ERC2: variants seen among roughly 807,000 people sequenced by gnomAD.
The protein encoded by ERC2 is ERC protein 2.
ERC2 carries 42 observed loss-of-function variants against 114.8 expected under a neutral mutation model. That is an observed-to-expected ratio of 0.37 (90% confidence interval 0.29 to 0.47). ERC2 has a LOEUF of 0.47. Among genes scored for constraint, ERC2 ranks in the 20% least tolerant of loss-of-function variants. The pLI, the probability that ERC2 is intolerant of heterozygous loss-of-function variation, is 0.99. For missense variants in ERC2, 939 were observed against 1,150.7 expected, an observed-to-expected ratio of 0.82 and a Z score of 2.66; for synonymous variants, 454 against 425.5, an observed-to-expected ratio of 1.07 and a Z score of -0.82.
chr3:56,446,619 T>TTTTTC (rs2062578656), intron 1 of ERC2, among the ~76,000 whole-genome samples: 1 of 116,346 alleles, frequency 8.6e-6, no homozygotes, highest in African/African-American at 3.6e-5. Context: ...TTCTTTTTTT[T>TTTTTC]TTTTTCTTTC....
intron 3 of ERC2, among the ~76,000 whole-genome samples, chr3:56,259,647 T>TATGATA (rs1553899549): frequency 4.2e-5 from 6 of 143,990 alleles, no homozygotes; most frequent in African/African-American, 1.6e-4. Context: ...TGGTACAGAT[T>TATGATA]TGATATGATA....
chr3:56,028,762 G>T (rs891550338), intron 7 of ERC2, among the ~76,000 whole-genome samples: 2 of 151,922 alleles, frequency 1.3e-5, no homozygotes, highest in African/African-American at 2.4e-5. Flanking sequence ...TTTCTATGTG[G>T]ACAACAATGT....
intron 11 of ERC2, among the ~76,000 whole-genome samples, chr3:55,989,723 T>A (rs181722041): frequency 6.6e-6 from 1 of 152,280 alleles, no homozygotes. Flanking sequence ...ATCTGTAAAA[T>A]GAGAATAATG....
At position 55,690,818 on chromosome 3, in the gene ERC2, T is replaced by C. The variant is rs546760390; in HGVS notation, c.2848-6959A>G. 3.9e-5 allele frequency among the ~76,000 whole-genome samples: 6 copies of C among 152,348 alleles called. No individual in the cohort carries two copies. The South Asian group carries it at 1.2e-3, about 32-fold the overall frequency. On this transcript the variant is annotated intron_variant, in intron 16 of 17. Transcript: ENST00000288221. Reference sequence around the variant, plus strand: ...GCAGGGCTTATTAATCATGCCCTCATGTGCTCACATGCAGGGAATTAGCAT... The same window carrying C: ...GCAGGGCTTATTAATCATGCCCTCACGTGCTCACATGCAGGGAATTAGCAT...
In ERC2 at chr3:56,287,064, A is replaced by G. The variant is rs755611845; in HGVS notation, c.1074+8955T>C. ...AAACACTTAAGAGACCCCTCAACCT[A>G]CATGCCTAACTGGAAACCCAAATAA... On this transcript the variant is annotated intron_variant, in intron 3 of 17. Coordinates refer to ENST00000288221, the MANE Select transcript of ERC2 (RefSeq NM_015576.3). Among the ~76,000 whole-genome samples the G allele has an allele frequency of 1.6e-3, 249 of 152,178 alleles. 5 individuals carry two copies. Among genetic ancestry groups the G allele is most frequent in the Admixed American group, 5.2e-4 (8 of 15,270 alleles).
intron 15 of ERC2, among the ~76,000 whole-genome samples, chr3:55,729,516 T>C (rs977423605): frequency 6.6e-6 from 1 of 152,090 alleles, no homozygotes; most frequent in Non-Finnish European, 1.5e-5. Flanking sequence ...ATTATGTCCG[T>C]TGTTTATTGC....
At chr3:56,316,617 C>T (rs1191183601) in intron 2 of ERC2, among the ~76,000 whole-genome samples, 1 of 151,550 alleles carries the variant, frequency 6.6e-6, no homozygotes, top group Non-Finnish European at 1.5e-5. Context: ...CAAACAGATA[C>T]ACACACACAC....
At chr3:56,188,766 G>T (rs1046502290) in intron 3 of ERC2, among the ~76,000 whole-genome samples, 5 of 152,122 alleles carry the variant, frequency 3.3e-5, no homozygotes, top group African/African-American at 1.2e-4. Context: ...TCCTTGATGG[G>T]GGTCACTGGG....
chr3:55,528,391 T>C (rs754253719), intron 17 of ERC2, among the ~76,000 whole-genome samples: 3 of 152,212 alleles, frequency 2.0e-5, no homozygotes, highest in East Asian at 1.9e-4. Context: ...TGGCAAAGGA[T>C]GAAAACAAGT....
intron 2 of ERC2, among the ~76,000 whole-genome samples, chr3:56,396,409 T>C (rs1325229745): frequency 6.6e-6 from 1 of 152,102 alleles, no homozygotes; most frequent in Non-Finnish European, 1.5e-5. Context: ...GCCCAGGAGT[T>C]CAAGTTCAGC....
At chr3:56,373,905 A>G (rs1042162762) in intron 2 of ERC2, among the ~76,000 whole-genome samples, 1 of 152,168 alleles carries the variant, frequency 6.6e-6, no homozygotes, top group South Asian at 2.1e-4. Context: ...CCATTTAAAA[A>G]AGTCAAATTC....
At chr3:56,213,555 G>C (rs879709672) in intron 3 of ERC2, among the ~76,000 whole-genome samples, 1 of 152,180 alleles carries the variant, frequency 6.6e-6, no homozygotes, top group African/African-American at 2.4e-5. Context: ...AGCTCAAGGA[G>C]GCCTGCCTGC....
chr3:56,215,002 T>C (rs1012982757), intron 3 of ERC2, among the ~76,000 whole-genome samples: 1 of 151,930 alleles, frequency 6.6e-6, no homozygotes, highest in Non-Finnish European at 1.5e-5. Context: ...GCACTAAACA[T>C]GGAAAGGAAC....
intron 14 of ERC2, among the ~76,000 whole-genome samples, chr3:55,768,041 T>C (rs539282516): frequency 6.6e-6 from 1 of 152,286 alleles, no homozygotes; most frequent in Non-Finnish European, 1.5e-5. Flanking sequence ...TAGCACCTCC[T>C]TCTCCACTCT....
intron 17 of ERC2, among the ~76,000 whole-genome samples, chr3:55,604,812 G>A (rs1029220894): frequency 5.3e-5 from 8 of 152,184 alleles, no homozygotes; most frequent in Non-Finnish European, 7.3e-5. Flanking sequence ...AGGGCCATAC[G>A]TAGTTACTCT....
chr3:56,305,512 C>CCACACA (rs58751787), intron 2 of ERC2, among the ~76,000 whole-genome samples: 10,592 of 144,322 alleles, frequency 0.073, 440 homozygotes, highest in Middle Eastern at 0.11. Context: ...ACTCTCTTAT[C>CCACACA]CACACACACA....
intron 17 of ERC2, among the ~76,000 whole-genome samples, chr3:55,525,921 C>T (rs1342464150): frequency 6.6e-6 from 1 of 152,190 alleles, no homozygotes; most frequent in Non-Finnish European, 1.5e-5. Flanking sequence ...TTTTCAAGTC[C>T]TAACCGCTAG....
At chr3:56,337,910 A>C (rs1276632606) in intron 2 of ERC2, among the ~76,000 whole-genome samples, 1 of 152,246 alleles carries the variant, frequency 6.6e-6, no homozygotes. Flanking sequence ...TATATGATAG[A>C]ATACCAACCA....
At chr3:55,553,546 C>T (rs1243851013) in intron 17 of ERC2, among the ~76,000 whole-genome samples, 9 of 151,866 alleles carry the variant, frequency 5.9e-5, no homozygotes, top group African/African-American at 1.5e-4. Flanking sequence ...TTTGGGAGGC[C>T]GAGGCGGGCA....
Sources: allele counts gnomAD v4.1 joint callset (sites outside exome capture counted in the v4.1 genomes callset), GRCh38; gene constraint gnomAD v4.1.1; transcripts MANE v1.5; gene names NCBI Gene and HGNC (gene_info 2026-07-23, HGNC 2026-07-21).